Variants in DENND1A observed in about 807,000 individuals in gnomAD.
DENND1A encodes DENN domain containing 1A.
Under a neutral mutation model 113.7 loss-of-function variants are expected in DENND1A, and 51 were observed. The ratio of observed to expected loss-of-function variants is 0.45; its 90% CI spans 0.36 to 0.57. DENND1A has a LOEUF of 0.57. Ranked by LOEUF, DENND1A falls within the 20% of genes least tolerant of loss-of-function variation. The pLI is 0.00. For missense variants in DENND1A, 1,258 were observed against 1,395.9 expected (o/e 0.90, Z 1.57); for synonymous variants, 565 against 570.8 (o/e 0.99, Z 0.14).
At chr9:123,582,376 T>A (rs565749716) in intron 12 of DENND1A, among the ~76,000 whole-genome samples, 34 of 151,592 alleles carry the variant, frequency 2.2e-4, no homozygotes, top group Non-Finnish European at 4.4e-4. Flanking sequence ...CAAAATAGAC[T>A]CAAGAAATAA....
intron 13 of DENND1A, among the ~76,000 whole-genome samples, chr9:123,505,767 T>C (rs2052874329): frequency 6.6e-6 from 1 of 152,176 alleles, no homozygotes; most frequent in Admixed American, 6.5e-5. Flanking sequence ...TTTCATATGT[T>C]AAATGCTGTA....
chr9:123,785,239 C>T (rs77455033), intron 3 of DENND1A, among the ~76,000 whole-genome samples: 11,675 of 151,850 alleles, frequency 0.077, 901 homozygotes, highest in African/African-American at 0.2. Flanking sequence ...CCCAGCTACT[C>T]GGGAGGCTGA....
At position 123,718,276 on chromosome 9, in the gene DENND1A, G is replaced by A. The variant is rs1054046836; in HGVS notation, c.302+39427C>T. Reference sequence around the variant, plus strand: ...AGGTGGGGGCTCCCAATCCACCCAGGGCCAAAGGGTTAATACAAAATGACA... The same window carrying A: ...AGGTGGGGGCTCCCAATCCACCCAGAGCCAAAGGGTTAATACAAAATGACA... On this transcript the variant is annotated intron_variant, in intron 5 of 23. Coordinates refer to ENST00000394215, the MANE Select transcript of DENND1A (RefSeq NM_001352964.2). Among the ~76,000 whole-genome samples the A allele has an allele frequency of 1.1e-4, 16 of 152,206 alleles. 1 individual carries two copies. The East Asian group carries it at 2.1e-3, about 20-fold the overall frequency.
At chr9:123,421,994 C>T (rs761186016) in intron 19 of DENND1A, among the ~76,000 whole-genome samples, 41 of 152,202 alleles carry the variant, frequency 2.7e-4, no homozygotes, top group Non-Finnish European at 5.6e-4. Flanking sequence ...CTCACTCACC[C>T]ACCTGATGGA....
intron 9 of DENND1A, among the ~76,000 whole-genome samples, chr9:123,649,201 C>T (rs2139325156): frequency 6.6e-6 from 1 of 152,264 alleles, no homozygotes; most frequent in East Asian, 1.9e-4. Context: ...ATAACATCTT[C>T]AAGATATCAG....
intron 1 of DENND1A, among the ~76,000 whole-genome samples, chr9:123,911,595 G>A (rs978929041): frequency 1.4e-4 from 21 of 152,124 alleles, no homozygotes; most frequent in Non-Finnish European, 2.8e-4. Context: ...TAGAGCAGAA[G>A]AAGCCACACC....
At chr9:123,525,947 A>G (rs1231024943) in intron 13 of DENND1A, among the ~76,000 whole-genome samples, 1 of 151,900 alleles carries the variant, frequency 6.6e-6, no homozygotes, top group Non-Finnish European at 1.5e-5. Context: ...TTTTGTAGAG[A>G]CAGGGTCTAT....
chr9:123,445,519 T>C (rs1277882778), intron 18 of DENND1A, among the ~76,000 whole-genome samples: 2 of 152,238 alleles, frequency 1.3e-5, no homozygotes, highest in Non-Finnish European at 2.9e-5. Context: ...GGACATGGTC[T>C]CCAGGTGTGT....
rs187605052 is a variant in DENND1A, at chr9:123,909,204, G to T, written c.17+20685C>A. Among the ~76,000 whole-genome samples the T allele has an allele frequency of 4.3e-4, 66 of 152,140 alleles. 1 individual carries two copies. Among genetic ancestry groups the T allele is most frequent in the Admixed American group, 1.7e-3 (26 of 15,260 alleles). ...CACACTATGGGGCCTGTGGTGGGGTGGGGGGAGTGGGAAGGGATAGCATTG... is the reference window on the plus strand; with the variant it reads ...CACACTATGGGGCCTGTGGTGGGGTTGGGGGAGTGGGAAGGGATAGCATTG... On this transcript the variant is annotated intron_variant, in intron 1 of 23. Transcript: ENST00000394215.
In DENND1A at chr9:123,549,098, A is replaced by G. The variant is rs1265503654; in HGVS notation, c.993+8472T>C. 7.2e-5 allele frequency among the ~76,000 whole-genome samples: 11 copies of G among 152,242 alleles called. No individual in the cohort carries two copies. In the East Asian group the frequency reaches 2.1e-3, roughly 29 times the overall value. On this transcript the variant is annotated intron_variant, in intron 13 of 23. Transcript: ENST00000394215. ...GTATTTTTTACATTTTTTTTCCTTA[A>G]AGCATGGGCTCTTTAGACAGACCTG...
At position 123,809,929 on chromosome 9, in the gene DENND1A, C is replaced by T. The variant is rs565123973; in HGVS notation, c.89-17299G>A. 1.1e-4 allele frequency among the ~76,000 whole-genome samples: 17 copies of T among 152,324 alleles called. No homozygotes were observed. The East Asian group carries it at 3.3e-3, about 29-fold the overall frequency. On this transcript the variant is annotated intron_variant, in intron 2 of 23. Coordinates refer to ENST00000394215, the MANE Select transcript of DENND1A (RefSeq NM_001352964.2). ...TGATCAAGTGATCCGCCTACCTCAG[C>T]CTCCCAAAGTGCTGGGATTTAGGCA...
intron 5 of DENND1A, among the ~76,000 whole-genome samples, chr9:123,739,627 TGA>T (rs892270578): frequency 6.6e-6 from 1 of 152,274 alleles, no homozygotes; most frequent in Non-Finnish European, 1.5e-5. Flanking sequence ...TATCTTTTAA[TGA>T]GAGGCTCATA....
chr9:123,597,103 A>C (rs1420950737), intron 11 of DENND1A, among the ~76,000 whole-genome samples: 2 of 152,168 alleles, frequency 1.3e-5, no homozygotes, highest in South Asian at 2.1e-4. Flanking sequence ...CATTCCTCCC[A>C]CACAACTGCC....
intron 5 of DENND1A, among the ~76,000 whole-genome samples, chr9:123,706,770 CAAAAAAAAA>C (rs575483682): frequency 2.1e-4 from 11 of 53,564 alleles, no homozygotes; most frequent in Non-Finnish European, 2.9e-4. Flanking sequence ...GACTCCGTCT[CAAAAAAAAA>C]AAAAAAAAAA....
chr9:123,896,907 G>T (rs1850848257), intron 1 of DENND1A, among the ~76,000 whole-genome samples: 1 of 152,148 alleles, frequency 6.6e-6, no homozygotes, highest in South Asian at 2.1e-4. Context: ...AAGAGAAGAG[G>T]ATGAGACATA....
At chr9:123,676,850 A>G in intron 5 of DENND1A, 61 bp from the exon 6 acceptor site, 1 of 1,494,694 alleles carries the variant, frequency 6.7e-7, no homozygotes, top group Non-Finnish European at 9.3e-7. Context: ...TTTAACCAGG[A>G]TCTAATTCAA....
chr9:123,597,253 G>A (rs1425463879), intron 11 of DENND1A, among the ~76,000 whole-genome samples: 1 of 152,186 alleles, frequency 6.6e-6, no homozygotes, highest in African/African-American at 2.4e-5. Context: ...ATTGTTTATT[G>A]CCCCCATAAA....
intron 13 of DENND1A, among the ~76,000 whole-genome samples, chr9:123,481,979 T>A (rs2050378885): frequency 6.6e-6 from 1 of 151,804 alleles, no homozygotes; most frequent in Admixed American, 6.6e-5. Context: ...TTCTTTTGTA[T>A]TTTTAGTAGA....
intron 5 of DENND1A, among the ~76,000 whole-genome samples, chr9:123,717,628 G>C (rs952251100): frequency 6.6e-6 from 1 of 152,206 alleles, no homozygotes; most frequent in African/African-American, 2.4e-5. Context: ...ATAGAAAAGA[G>C]GATATACCTC....
Sources: gnomAD v4.1 joint callset for allele counts (sites outside exome capture counted in the v4.1 genomes callset) on GRCh38, gnomAD v4.1.1 for gene constraint, MANE v1.5 for transcripts, NCBI Gene and HGNC (gene_info 2026-07-23, HGNC 2026-07-21) for gene names.